The following PIP5K1B variants were observed in gnomAD, a reference collection of about 807,000 sequenced individuals.
The protein encoded by PIP5K1B is phosphatidylinositol-4-phosphate 5-kinase type 1 beta, also known as phosphatidylinositol 4-phosphate 5-kinase type-1 beta.
A neutral mutation model predicts 67.0 loss-of-function variants in PIP5K1B; 42 were observed. That is an observed-to-expected ratio of 0.63 (90% CI 0.49 to 0.81). The LOEUF is 0.81. Among genes scored for constraint, PIP5K1B ranks in the 30% least tolerant of loss-of-function variants. The pLI is 0.00. For missense variants in PIP5K1B, 459 were observed against 646.3 expected, an observed-to-expected ratio of 0.71 and a Z score of 3.14; for synonymous variants, 214 against 231.4, an observed-to-expected ratio of 0.92 and a Z score of 0.68.
At chr9:68,907,483 A>AT (rs1167889650) in intron 8 of PIP5K1B, among the ~76,000 whole-genome samples, 3 of 151,410 alleles carry the variant, frequency 2.0e-5, no homozygotes, top group East Asian at 1.9e-4. Flanking sequence ...ACTCCAAATG[A>AT]TTTTTTTTTC....
chr9:68,903,592 C>T (rs572608327), intron 8 of PIP5K1B, among the ~76,000 whole-genome samples: 16 of 152,270 alleles, frequency 1.1e-4, no homozygotes, highest in East Asian at 3.9e-4. Context: ...AGGCTTTTGC[C>T]GCTTGCTGCA....
intron 14 of PIP5K1B, among the ~76,000 whole-genome samples, chr9:68,972,781 TTTATA>T (rs1288280488): frequency 3.3e-5 from 5 of 152,238 alleles, no homozygotes; most frequent in Admixed American, 3.3e-4. Context: ...CATGTGTTTC[TTTATA>T]TAATTATCTT....
At chr9:68,864,873 G>A (rs1293004302) in intron 5 of PIP5K1B, among the ~76,000 whole-genome samples, 1 of 152,086 alleles carries the variant, frequency 6.6e-6, no homozygotes, top group African/African-American at 2.4e-5. Context: ...CCAGGCTTGG[G>A]TAAACATAGC....
chr9:68,835,709 G>T (rs558694028), intron 4 of PIP5K1B, among the ~76,000 whole-genome samples: 71 of 152,284 alleles, frequency 4.7e-4, no homozygotes, highest in African/African-American at 1.4e-3. Context: ...TCCTTCTGTG[G>T]TAGTCCTTAT....
chr9:68,764,648 AC>A (rs977891072), intron 2 of PIP5K1B, among the ~76,000 whole-genome samples: 5 of 152,096 alleles, frequency 3.3e-5, no homozygotes, highest in African/African-American at 1.2e-4. Flanking sequence ...TATACATTCT[AC>A]CAAGCATTGT....
At chr9:68,731,627 G>A (rs1260113620) in intron 1 of PIP5K1B, among the ~76,000 whole-genome samples, 1 of 152,166 alleles carries the variant, frequency 6.6e-6, no homozygotes, top group Non-Finnish European at 1.5e-5. Context: ...GAGGAGCCAG[G>A]CAAACACACT....
At chr9:68,915,237 G>A (rs918485472) in intron 8 of PIP5K1B, among the ~76,000 whole-genome samples, 7 of 151,914 alleles carry the variant, frequency 4.6e-5, no homozygotes, top group Non-Finnish European at 7.4e-5. Context: ...AAGTCTCTCC[G>A]AGAAAGGAAG....
At chr9:68,713,606 G>A (rs1827498872) in intron 1 of PIP5K1B, among the ~76,000 whole-genome samples, 1 of 152,158 alleles carries the variant, frequency 6.6e-6, no homozygotes, top group Non-Finnish European at 1.5e-5. Flanking sequence ...AGAAATATGA[G>A]GGGAGAAATG....
At chr9:68,851,315 T>C (rs1822471447) in intron 4 of PIP5K1B, among the ~76,000 whole-genome samples, 1 of 152,254 alleles carries the variant, frequency 6.6e-6, no homozygotes, top group Non-Finnish European at 1.5e-5. Context: ...AAAGTGGATC[T>C]GTGTTGGGCT....
At chr9:68,722,132 G>A (rs535635743) in intron 1 of PIP5K1B, among the ~76,000 whole-genome samples, 2 of 152,076 alleles carry the variant, frequency 1.3e-5, no homozygotes, top group Non-Finnish European at 2.9e-5. Context: ...AAGCAGATTC[G>A]AGTCCTGACA....
intron 14 of PIP5K1B, chr9:68,965,615 A>C (rs1402537526): frequency 1.3e-5 from 2 of 152,236 alleles, no homozygotes; most frequent in African/African-American, 4.8e-5. Flanking sequence ...CTAGTTCTTC[A>C]GTGGTTCCAT....
chr9:68,894,309 TA>T, intron 7 of PIP5K1B, 29 bp from the exon 8 acceptor site: 1 of 1,396,564 alleles, frequency 7.2e-7, no homozygotes, highest in Non-Finnish European at 1.0e-6. Flanking sequence ...TAGAAGATTG[TA>T]AATATATTTT....
intron 8 of PIP5K1B, among the ~76,000 whole-genome samples, chr9:68,909,424 C>T (rs1286409837): frequency 1.3e-5 from 2 of 150,916 alleles, no homozygotes; most frequent in Non-Finnish European, 3.0e-5. Context: ...AAAAAAACTA[C>T]AATACCATTA....
intron 15 of PIP5K1B, among the ~76,000 whole-genome samples, chr9:69,002,905 C>T (rs1587791659): frequency 6.6e-6 from 1 of 152,296 alleles, no homozygotes; most frequent in South Asian, 2.1e-4. Context: ...ATCACTTGAA[C>T]GCAGGAGGCG....
intron 8 of PIP5K1B, among the ~76,000 whole-genome samples, chr9:68,902,171 G>A (rs1208456059): frequency 2.0e-5 from 3 of 152,050 alleles, no homozygotes; most frequent in South Asian, 2.1e-4. Flanking sequence ...AATTTCAGAC[G>A]TACATAGATT....
rs182210251 is a variant in PIP5K1B at position 68,879,579 on chromosome 9, A to G, written c.318+2785A>G. On this transcript the variant is annotated intron_variant, in intron 6 of 15. Coordinates refer to ENST00000265382, the MANE Select transcript of PIP5K1B (RefSeq NM_003558.4). ...CAAGACTCCATCTCAAAAAAATAAA[A>G]ATAAAAATAAATAAAAAACAAAATT... Among the ~76,000 whole-genome samples, 5 of 152,272 alleles carry G rather than the reference A, an allele frequency of 3.3e-5. No individual in the cohort carries two copies. In the East Asian group the frequency reaches 9.6e-4, roughly 29 times the overall value.
chr9:68,853,525 A>G (rs1442351425), intron 4 of PIP5K1B, among the ~76,000 whole-genome samples: 3 of 152,164 alleles, frequency 2.0e-5, no homozygotes, highest in Admixed American at 6.5e-5. Context: ...GGAGGATGCA[A>G]TAGACTATAG....
chr9:68,831,750 A>T (rs1834333022), intron 4 of PIP5K1B, among the ~76,000 whole-genome samples: 2 of 151,934 alleles, frequency 1.3e-5, no homozygotes, highest in Non-Finnish European at 1.5e-5. Flanking sequence ...ATCTCAGCTC[A>T]CTGCAACCTC....
At chr9:68,768,908 C>T (rs1033030550) in intron 2 of PIP5K1B, among the ~76,000 whole-genome samples, 1 of 152,140 alleles carries the variant, frequency 6.6e-6, no homozygotes, top group Non-Finnish European at 1.5e-5. Context: ...ACCCCTGGTG[C>T]TAATAATAAA....
Sources: gnomAD v4.1 joint callset for allele counts (sites outside exome capture counted in the v4.1 genomes callset) on GRCh38, gnomAD v4.1.1 for gene constraint, MANE v1.5 for transcripts, NCBI Gene and HGNC (gene_info 2026-07-23, HGNC 2026-07-21) for gene names.